Variants in SLC13A1 observed in about 807,000 individuals in gnomAD.
SLC13A1 encodes the protein Na(+)/sulfate cotransporter.
SLC13A1 carries 65 observed loss-of-function variants against 70.0 expected under a neutral mutation model. The ratio of observed to expected loss-of-function variants is 0.93; its 90% CI spans 0.76 to 1.14. The LOEUF is 1.14. SLC13A1 is among the 50% of genes most tolerant of loss of function. The pLI, the probability that SLC13A1 is intolerant of heterozygous loss-of-function variation, is 0.00. For synonymous variants in SLC13A1, 275 were observed against 250.5 expected (o/e 1.10, Z -0.92); for missense variants, 726 against 717.8 (o/e 1.01, Z -0.13).
chr7:123,142,875 C>CCAAAGTGCTGGGATTA (rs1794207225), intron 7 of SLC13A1, among the ~76,000 whole-genome samples: 1 of 152,010 alleles, frequency 6.6e-6, no homozygotes, highest in South Asian at 2.1e-4. Flanking sequence ...CCTCGGCCTC[C>CCAAAGTGCTGGGATTA]CAAAGTGCTG....
chr7:123,114,083 C>CAAAAAAAA lies in SLC13A1; in HGVS notation c.*1427_*1434dup, dbSNP rs66482410. ...TGGGCGACAGAGCGAGACTCCGTCT[C>CAAAAAAAA]AAAAAAAAAAAAAAAAAAAAAAAAG... On this transcript the variant is annotated 3_prime_UTR_variant, in exon 15 of 15. Transcript: ENST00000194130. The CAAAAAAAA allele has an allele frequency of 5.0e-5, 3 of 60,196 alleles. No homozygotes were observed. Among genetic ancestry groups the CAAAAAAAA allele is most frequent in the East Asian group, 4.8e-4 (1 of 2,072 alleles). The allele number at this position is 60,196 out of a possible 1,614,324, so 3.7% of individuals were successfully genotyped here.
intron 12 of SLC13A1, among the ~76,000 whole-genome samples, chr7:123,120,358 G>T (rs532148143): frequency 1.3e-5 from 2 of 152,020 alleles, no homozygotes; most frequent in African/African-American, 4.8e-5. Flanking sequence ...AGAATTCTAG[G>T]TTCAAAATAA....
intron 6 of SLC13A1, among the ~76,000 whole-genome samples, chr7:123,158,227 T>C (rs1001018720): frequency 6.6e-6 from 1 of 151,930 alleles, no homozygotes; most frequent in Admixed American, 6.6e-5. Flanking sequence ...AGACACAAAA[T>C]ATAATTACAT....
rs1794391322 is a variant in SLC13A1, at chr7:123,147,272, GC to G, written c.698del (p.Gly233AlafsTer3). 1 of 1,613,510 alleles carries G rather than the reference GC, an allele frequency of 6.2e-7. No individual in the cohort carries two copies. Among genetic ancestry groups the G allele is most frequent in the African/African-American group, 1.3e-5 (1 of 74,990 alleles). Reference protein sequence around the residue: ...GMRTKYRTKKGHVTRKLTCLC... With the variant: ...GMRTKYRTKKXHVTRKLTCLC... Reference sequence around the variant, plus strand: ...AACACGTAAGTTTACGTGTCACGTGGCCCTTCTTTGTTCGATATTTGGTTCT... The same window carrying G: ...AACACGTAAGTTTACGTGTCACGTGGCCTTCTTTGTTCGATATTTGGTTCT... On this transcript the variant is annotated frameshift_variant, in exon 7 of 15. Transcript: ENST00000194130. LOFTEE classifies it high-confidence loss of function.
intron 7 of SLC13A1, among the ~76,000 whole-genome samples, chr7:123,144,638 G>A (rs963083901): frequency 7.2e-5 from 11 of 151,968 alleles, no homozygotes; most frequent in African/African-American, 2.2e-4. Flanking sequence ...CAAAACATCC[G>A]CAGGCTGGAG....
intron 1 of SLC13A1, among the ~76,000 whole-genome samples, chr7:123,191,653 AATACT>A (rs921763988): frequency 6.6e-6 from 1 of 152,190 alleles, no homozygotes; most frequent in African/African-American, 2.4e-5. Flanking sequence ...ATGGGCAAGT[AATACT>A]CATGAATGCT....
At chr7:123,170,817 C>T (rs1795245317) in intron 3 of SLC13A1, among the ~76,000 whole-genome samples, 1 of 151,950 alleles carries the variant, frequency 6.6e-6, no homozygotes, top group Admixed American at 6.6e-5. Context: ...CCACCTCAGG[C>T]GATCGCCCAC....
chr7:123,182,144 G>A (rs1368874473), intron 1 of SLC13A1, among the ~76,000 whole-genome samples: 1 of 152,132 alleles, frequency 6.6e-6, no homozygotes, highest in African/African-American at 2.4e-5. Flanking sequence ...TTCATACAGA[G>A]TCTGCTTCTA....
At chr7:123,146,856 A>G (rs1352390710) in intron 7 of SLC13A1, among the ~76,000 whole-genome samples, 1 of 134,326 alleles carries the variant, frequency 7.4e-6, no homozygotes, top group Non-Finnish European at 1.6e-5. Flanking sequence ...ACTTTAGTTA[A>G]CTACCATTTG....
intron 6 of SLC13A1, among the ~76,000 whole-genome samples, chr7:123,153,847 T>C (rs1326783724): frequency 6.6e-6 from 1 of 152,104 alleles, no homozygotes; most frequent in Non-Finnish European, 1.5e-5. Context: ...TTTCTACATA[T>C]ACACATGTGC....
chr7:123,137,261 G>T (rs374359352), intron 7 of SLC13A1, among the ~76,000 whole-genome samples: 1 of 152,136 alleles, frequency 6.6e-6, no homozygotes, highest in African/African-American at 2.4e-5. Flanking sequence ...GCCTCCTGGT[G>T]TACATGCCTT....
chr7:123,121,080 G>A (rs889144677), intron 12 of SLC13A1, among the ~76,000 whole-genome samples: 1 of 151,878 alleles, frequency 6.6e-6, no homozygotes, highest in African/African-American at 2.4e-5. Context: ...TTAGTTGACT[G>A]TTGAACATTT....
chr7:123,170,676 T>TG (rs1795240242), intron 3 of SLC13A1, among the ~76,000 whole-genome samples: 1 of 152,000 alleles, frequency 6.6e-6, no homozygotes, highest in African/African-American at 2.4e-5. Flanking sequence ...TTGCCCAGGC[T>TG]GGAGTGCAAT....
chr7:123,144,989 T>C (rs1483240193), intron 7 of SLC13A1, among the ~76,000 whole-genome samples: 1 of 152,186 alleles, frequency 6.6e-6, no homozygotes, highest in Non-Finnish European at 1.5e-5. Context: ...TGATGACAGT[T>C]TTGATTATCT....
chr7:123,139,914 G>T (rs1794073436), intron 7 of SLC13A1, among the ~76,000 whole-genome samples: 2 of 151,812 alleles, frequency 1.3e-5, no homozygotes, highest in Non-Finnish European at 2.9e-5. Context: ...ACTTTCTCTT[G>T]TCTGATTGCT....
chr7:123,199,183 C>T (rs948258266), intron 1 of SLC13A1, among the ~76,000 whole-genome samples: 2 of 152,126 alleles, frequency 1.3e-5, no homozygotes, highest in Non-Finnish European at 2.9e-5. Context: ...AGAAATTAAA[C>T]ATGCTTGAGC....
In SLC13A1 at chr7:123,179,383, T is replaced by A. The variant is rs150258276; in HGVS notation, c.228+1590A>T. 8.3e-3 allele frequency among the ~76,000 whole-genome samples: 1,268 copies of A among 152,244 alleles called. 19 individuals carry two copies. Among genetic ancestry groups the A allele is most frequent in the African/African-American group, 0.028 (1,177 of 41,530 alleles). On this transcript the variant is annotated intron_variant, in intron 2 of 14. Transcript: ENST00000194130. The stretch of plus-strand genomic sequence containing the variant: ...ACACCTTCTGAATGATTTCATCCGT[T>A]AGAGATATTGGAGATATTGGATGGG...
intron 6 of SLC13A1, among the ~76,000 whole-genome samples, chr7:123,163,895 A>C (rs1794990633): frequency 6.6e-6 from 1 of 152,048 alleles, no homozygotes; most frequent in Admixed American, 6.6e-5. Context: ...TAAAAATATT[A>C]CTGAATTTAT....
intron 12 of SLC13A1, among the ~76,000 whole-genome samples, chr7:123,119,813 A>G (rs1793313916): frequency 6.6e-6 from 1 of 151,904 alleles, no homozygotes; most frequent in Admixed American, 6.6e-5. Context: ...TCATTCCCCC[A>G]CATTCATATA....
Sources: gnomAD v4.1 joint callset for allele counts (sites outside exome capture counted in the v4.1 genomes callset) on GRCh38, gnomAD v4.1.1 for gene constraint, MANE v1.5 for transcripts, NCBI Gene and HGNC (gene_info 2026-07-23, HGNC 2026-07-21) for gene names.